The following BMERB1 variants were observed in gnomAD, a reference collection of about 807,000 sequenced individuals.
BMERB1 encodes bMERB domain-containing protein 1.
BMERB1 carries 12 observed loss-of-function variants against 23.6 expected under a neutral mutation model. That is an observed-to-expected ratio of 0.51 (90% CI 0.33 to 0.82). The LOEUF (loss-of-function observed/expected upper bound fraction) is 0.82. Among genes scored for constraint, BMERB1 ranks in the 40% least tolerant of loss-of-function variants. BMERB1 has a pLI of 0.03. For missense variants in BMERB1, 247 were observed against 255.4 expected (o/e 0.97, Z 0.22); for synonymous variants, 122 against 96.6 (o/e 1.26, Z -1.54).
At chr16:15,511,115 C>T (rs147508445) in intron 1 of BMERB1, among the ~76,000 whole-genome samples, 2 of 152,144 alleles carry the variant, frequency 1.3e-5, no homozygotes, top group African/African-American at 2.4e-5. Context: ...TAGTAGGACC[C>T]GAAATTGGAT....
intron 2 of BMERB1, among the ~76,000 whole-genome samples, chr16:15,533,643 A>C (rs1186495154): frequency 6.6e-6 from 1 of 152,126 alleles, no homozygotes; most frequent in Non-Finnish European, 1.5e-5. Context: ...GGATGCAGAG[A>C]GATTAGCCCA....
chr16:15,493,312 A>T (rs2051440623), intron 1 of BMERB1, among the ~76,000 whole-genome samples: 1 of 152,184 alleles, frequency 6.6e-6, no homozygotes, highest in African/African-American at 2.4e-5. Flanking sequence ...AGATCATGCT[A>T]CTGCACCTGA....
intron 1 of BMERB1, among the ~76,000 whole-genome samples, chr16:15,471,319 T>C (rs2051227236): frequency 6.6e-6 from 1 of 152,212 alleles, no homozygotes; most frequent in African/African-American, 2.4e-5. Flanking sequence ...AAGAGAAATA[T>C]CCAGGCAATT....
chr16:15,502,492 G>T, intron 1 of BMERB1: 1 of 908,218 alleles, frequency 1.1e-6, no homozygotes, highest in South Asian at 1.4e-5. Flanking sequence ...GGGAAACGGT[G>T]ACTCATTAAA....
At chr16:15,516,091 C>T (rs987269233) in intron 2 of BMERB1, among the ~76,000 whole-genome samples, 1 of 152,092 alleles carries the variant, frequency 6.6e-6, no homozygotes, top group Non-Finnish European at 1.5e-5. Context: ...CATCACCACA[C>T]TCCATCTTGG....
chr16:15,529,616 A>T, intron 2 of BMERB1, among the ~76,000 whole-genome samples: 1 of 152,148 alleles, frequency 6.6e-6, no homozygotes, highest in Non-Finnish European at 1.5e-5. Context: ...CACTCCCAAA[A>T]ATGTTGACGG....
At chr16:15,474,787 C>A (rs539078001) in intron 1 of BMERB1, among the ~76,000 whole-genome samples, 3 of 152,222 alleles carry the variant, frequency 2.0e-5, no homozygotes, top group Admixed American at 6.5e-5. Flanking sequence ...CTCCGGTGTT[C>A]AAGCGATTCT....
chr16:15,502,355 G>A, intron 1 of BMERB1: 1 of 1,551,046 alleles, frequency 6.4e-7, no homozygotes, highest in Non-Finnish European at 8.7e-7. Flanking sequence ...GGGATGTATG[G>A]GACGGCGGAG....
chr16:15,523,057 G>A (rs1433947887), intron 2 of BMERB1, among the ~76,000 whole-genome samples: 3 of 152,292 alleles, frequency 2.0e-5, no homozygotes, highest in East Asian at 3.9e-4. Context: ...GCTCTCAGCA[G>A]ATGGGGGAAG....
rs1314620932 is a variant in BMERB1 at position 15,588,122 on chromosome 16, A to AGTC, written c.*1294_*1296dup. 3 of 152,144 alleles carry AGTC rather than the reference A, an allele frequency of 2.0e-5. No individual in the cohort carries two copies. Among genetic ancestry groups the AGTC allele is most frequent in the Non-Finnish European group, 2.9e-5 (2 of 68,024 alleles). The allele number at this position is 152,144 out of a possible 1,614,324, so 9.4% of individuals were successfully genotyped here. On this transcript the variant is annotated 3_prime_UTR_variant, in exon 6 of 6. Transcript: ENST00000300006. ...CTCTGATGTTTCGACGTTTTAAAAA[A>AGTC]GTCTTTTTTTGTGCATTTTTTCATC...
intron 1 of BMERB1, among the ~76,000 whole-genome samples, chr16:15,496,543 A>T (rs531872162): frequency 2.8e-5 from 4 of 144,734 alleles, no homozygotes; most frequent in East Asian, 2.0e-4. Flanking sequence ...TACAAGGGAA[A>T]TTTTTTTTTT....
intron 3 of BMERB1, among the ~76,000 whole-genome samples, chr16:15,576,194 C>T (rs2030854760): frequency 6.6e-6 from 1 of 152,024 alleles, no homozygotes; most frequent in Non-Finnish European, 1.5e-5. Context: ...CAGGCGCCCG[C>T]CACCATGCCC....
At chr16:15,512,877 T>A (rs868069250) in intron 1 of BMERB1, among the ~76,000 whole-genome samples, 29 of 143,724 alleles carry the variant, frequency 2.0e-4, no homozygotes, top group Non-Finnish European at 3.1e-4. Flanking sequence ...ATACTCCGTC[T>A]CAAAAAAAAA....
intron 1 of BMERB1, chr16:15,448,002 G>A: frequency 2.3e-6 from 1 of 438,144 alleles, no homozygotes; most frequent in Non-Finnish European, 4.6e-6. Context: ...CGATTGTCCT[G>A]CCTCAGCCTC....
chr16:15,459,097 G>C (rs2051113747), intron 1 of BMERB1, among the ~76,000 whole-genome samples: 2 of 152,072 alleles, frequency 1.3e-5, no homozygotes, highest in Non-Finnish European at 1.5e-5. Flanking sequence ...AACAGTGTGA[G>C]ACTCTGTCTC....
At chr16:15,565,978 A>G (rs1215265855) in intron 2 of BMERB1, among the ~76,000 whole-genome samples, 1 of 152,220 alleles carries the variant, frequency 6.6e-6, no homozygotes, top group Non-Finnish European at 1.5e-5. Flanking sequence ...CAGTGATTCC[A>G]CTTCTGAGAA....
intron 2 of BMERB1, among the ~76,000 whole-genome samples, chr16:15,565,297 C>T (rs1254733583): frequency 1.3e-5 from 2 of 152,156 alleles, no homozygotes; most frequent in Admixed American, 6.6e-5. Context: ...TACCTGTTTC[C>T]GCATGAGTAA....
intron 2 of BMERB1, among the ~76,000 whole-genome samples, chr16:15,551,348 G>GTT (rs2030086931): frequency 6.6e-6 from 1 of 152,118 alleles, no homozygotes; most frequent in African/African-American, 2.4e-5. Flanking sequence ...GAACCATGAA[G>GTT]GAAAAAGGCA....
chr16:15,517,337 C>T (rs972627741), intron 2 of BMERB1, among the ~76,000 whole-genome samples: 3 of 152,054 alleles, frequency 2.0e-5, no homozygotes, highest in Non-Finnish European at 4.4e-5. Flanking sequence ...GGCAAAAACC[C>T]GTCTCTAGTA....
Sources: gnomAD v4.1 joint callset for allele counts (sites outside exome capture counted in the v4.1 genomes callset) on GRCh38, gnomAD v4.1.1 for gene constraint, MANE v1.5 for transcripts, NCBI Gene and HGNC (gene_info 2026-07-23, HGNC 2026-07-21) for gene names.